Variants in DOCK1 observed in about 807,000 individuals in gnomAD.
DOCK1 encodes the protein dedicator of cytokinesis 1.
Under a neutral mutation model 262.7 loss-of-function variants are expected in DOCK1, and 138 were observed. The observed-to-expected ratio is 0.53, with a 90% confidence interval of 0.46 to 0.61. DOCK1 has a LOEUF of 0.61. Among genes scored for constraint, DOCK1 ranks in the 20% least tolerant of loss-of-function variants. The pLI is 0.00. For missense variants in DOCK1, 1,908 were observed against 2,370.7 expected (o/e 0.80, Z 4.05); for synonymous variants, 866 against 867.4 (o/e 1.00, Z 0.03).
At chr10:126,991,016 A>C (rs2135007190) in intron 6 of DOCK1, among the ~76,000 whole-genome samples, 1 of 152,362 alleles carries the variant, frequency 6.6e-6, no homozygotes, top group South Asian at 2.1e-4. Context: ...TGGAGTGGAC[A>C]TTAGATCACT....
intron 1 of DOCK1, among the ~76,000 whole-genome samples, chr10:126,911,275 C>G (rs2031716831): frequency 6.6e-6 from 1 of 152,132 alleles, no homozygotes; most frequent in Non-Finnish European, 1.5e-5. Flanking sequence ...TTGCATTTGC[C>G]TTGGTTTCAT....
At chr10:127,045,680 C>T (rs1348759560) in intron 21 of DOCK1, among the ~76,000 whole-genome samples, 1 of 152,192 alleles carries the variant, frequency 6.6e-6, no homozygotes, top group African/African-American at 2.4e-5. Context: ...TCTGCGGCTC[C>T]CCTGCGTGGG....
At chr10:127,086,614 A>G (rs2047214667) in intron 23 of DOCK1, among the ~76,000 whole-genome samples, 1 of 152,188 alleles carries the variant, frequency 6.6e-6, no homozygotes, top group African/African-American at 2.4e-5. Context: ...ATAACAGTTA[A>G]TTAAAAAAAA....
chr10:127,398,502 T>G (rs1471924593), intron 38 of DOCK1, among the ~76,000 whole-genome samples: 1 of 152,216 alleles, frequency 6.6e-6, no homozygotes, highest in Non-Finnish European at 1.5e-5. Flanking sequence ...CCTGTGCTGC[T>G]GAGGGACCTC....
At chr10:127,086,245 G>A (rs557013151) in intron 23 of DOCK1, among the ~76,000 whole-genome samples, 9 of 105,886 alleles carry the variant, frequency 8.5e-5, no homozygotes, top group South Asian at 3.2e-4. Flanking sequence ...CCCCACCCCC[G>A]GTGCAGGAAG....
chr10:127,355,120 G>A (rs2064079404), intron 32 of DOCK1, among the ~76,000 whole-genome samples: 1 of 75,236 alleles, frequency 1.3e-5, no homozygotes, highest in African/African-American at 6.8e-5. Context: ...CCTTCTAAAG[G>A]GTTAATTCCC....
intron 27 of DOCK1, among the ~76,000 whole-genome samples, chr10:127,202,806 A>G (rs545472370): frequency 6.6e-5 from 10 of 152,186 alleles, no homozygotes; most frequent in Non-Finnish European, 1.2e-4. Flanking sequence ...AGAGAACGTA[A>G]ATGATCTCTC....
At chr10:127,263,763 C>T (rs2060261068) in intron 29 of DOCK1, among the ~76,000 whole-genome samples, 1 of 152,152 alleles carries the variant, frequency 6.6e-6, no homozygotes, top group South Asian at 2.1e-4. Context: ...GTCTAAATGG[C>T]CAGCAATCAT....
intron 26 of DOCK1, among the ~76,000 whole-genome samples, chr10:127,126,772 A>G (rs1365926472): frequency 2.0e-5 from 3 of 152,104 alleles, no homozygotes; most frequent in Admixed American, 6.5e-5. Context: ...TTCTAAGTAG[A>G]TAAGGCTTGT....
intron 4 of DOCK1, among the ~76,000 whole-genome samples, chr10:126,984,974 C>CTTTTTTT (rs553086410): frequency 3.5e-5 from 3 of 85,126 alleles, no homozygotes; most frequent in African/African-American, 1.4e-4. Context: ...ATGTCCCATT[C>CTTTTTTT]TTTTTTTTTT....
At chr10:127,017,448 CAG>C (rs2042071049) in intron 12 of DOCK1, among the ~76,000 whole-genome samples, 1 of 151,554 alleles carries the variant, frequency 6.6e-6, no homozygotes, top group Non-Finnish European at 1.5e-5. Context: ...GAAACACAGA[CAG>C]ACACAGATTT....
At chr10:127,133,795 G>C (rs2050472930) in intron 27 of DOCK1, among the ~76,000 whole-genome samples, 1 of 152,242 alleles carries the variant, frequency 6.6e-6, no homozygotes, top group African/African-American at 2.4e-5. Context: ...ACTGTAGCAT[G>C]ATGACTTTAT....
intron 29 of DOCK1, among the ~76,000 whole-genome samples, chr10:127,296,489 C>T (rs1402433048): frequency 6.6e-6 from 1 of 152,212 alleles, no homozygotes; most frequent in African/African-American, 2.4e-5. Flanking sequence ...ACATGGCTGC[C>T]ATAGCAAGCC....
intron 28 of DOCK1, among the ~76,000 whole-genome samples, chr10:127,249,387 A>G (rs901949230): frequency 1.9e-5 from 1 of 52,896 alleles, no homozygotes; most frequent in Admixed American, 2.8e-4. Context: ...ATATGTACAT[A>G]TATACACACA....
Position 127,106,131 on chromosome 10 carries a change from C to T in DOCK1, c.2446-100C>T, listed in dbSNP as rs1592048428. ...CCCCTCATCTGGAAGTGATCTTTCT[C>T]TTCTCAGTATTTCTGCGGTTCTTCT... On this transcript the variant is annotated intron_variant, in intron 23 of 51. Coordinates refer to ENST00000623213, the MANE Select transcript of DOCK1 (RefSeq NM_001290223.2). The T allele has an allele frequency of 4.1e-6, 5 of 1,219,834 alleles. No individual in the cohort carries two copies. In the East Asian group the frequency reaches 1.3e-4, roughly 32 times the overall value. 75.6% of individuals were successfully genotyped at this position (1,219,834 alleles called of 1,614,324 possible). A position where few individuals can be genotyped will look rare whatever the true frequency, so the allele number is the denominator to read the frequency against.
chr10:127,324,530 C>A (rs974592424), intron 29 of DOCK1, among the ~76,000 whole-genome samples: 1 of 152,072 alleles, frequency 6.6e-6, no homozygotes, highest in Admixed American at 6.5e-5. Context: ...GCAGATGTGG[C>A]GGCTGAGGTC....
chr10:126,905,932 C>G lies in DOCK1; in HGVS notation c.46+369C>G, dbSNP rs2030694269. ...CCGCTGCTATCTGCGCGGCTGGGCC[C>G]GTCAGGGAAGCCCAGGGGTCACTGT... On this transcript the variant is annotated intron_variant, in intron 1 of 51. Coordinates refer to ENST00000623213, the MANE Select transcript of DOCK1 (RefSeq NM_001290223.2). Among the ~76,000 whole-genome samples the G allele has an allele frequency of 2.6e-5, 4 of 152,222 alleles. No individual in the cohort carries two copies. In the South Asian group the frequency reaches 6.2e-4, roughly 24 times the overall value.
chr10:126,908,940 T>C (rs2031348663), intron 1 of DOCK1, among the ~76,000 whole-genome samples: 2 of 152,142 alleles, frequency 1.3e-5, no homozygotes, highest in Admixed American at 6.5e-5. Flanking sequence ...CTCACTCACA[T>C]CTCAACAATG....
chr10:127,185,793 G>A (rs563861165), intron 27 of DOCK1, among the ~76,000 whole-genome samples: 7 of 152,220 alleles, frequency 4.6e-5, no homozygotes, highest in South Asian at 2.1e-4. Context: ...AAATGTTTCC[G>A]GTGCTGATGG....
Sources: allele counts gnomAD v4.1 joint callset (sites outside exome capture counted in the v4.1 genomes callset), GRCh38; gene constraint gnomAD v4.1.1; transcripts MANE v1.5; gene names NCBI Gene and HGNC (gene_info 2026-07-23, HGNC 2026-07-21).